Variants in CD226 observed in about 807,000 individuals in gnomAD.
CD226 encodes the protein CD226 antigen.
In CD226, 24 loss-of-function variants were observed where a neutral mutation model predicts 34.9. The ratio of observed to expected loss-of-function variants is 0.69; its 90% CI spans 0.50 to 0.97. The LOEUF is 0.97. Ranked by LOEUF, CD226 falls within the 50% of genes least tolerant of loss-of-function variation. The pLI is 0.00. For missense variants in CD226, 397 were observed against 412.7 expected (o/e 0.96, Z 0.33); for synonymous variants, 148 against 147.4 (o/e 1.00, Z -0.03).
At chr18:69,904,457 G>A (rs2017399150) in intron 2 of CD226, among the ~76,000 whole-genome samples, 1 of 152,218 alleles carries the variant, frequency 6.6e-6, no homozygotes, top group Non-Finnish European at 1.5e-5. Flanking sequence ...CTGCCTCCAG[G>A]GGCAGCTCCG....
chr18:69,920,305 C>T lies in CD226; in HGVS notation c.383-24260G>A, dbSNP rs1006296102. Among the ~76,000 whole-genome samples, 7 of 152,308 alleles carry T rather than the reference C, an allele frequency of 4.6e-5. No individual in the cohort carries two copies. The East Asian group carries it at 9.6e-4, about 21-fold the overall frequency. ...ACTTCCATTTGCTTTGATAAAAAGA[C>T]TAGAGGTCTCTTTGTTCTTCACATT... On this transcript the variant is annotated intron_variant, in intron 2 of 5. Coordinates refer to ENST00000582621, the MANE Select transcript of CD226 (RefSeq NM_001303618.2).
At chr18:69,903,041 AT>A (rs779019181) in intron 2 of CD226, among the ~76,000 whole-genome samples, 5 of 152,340 alleles carry the variant, frequency 3.3e-5, no homozygotes, top group Admixed American at 2.0e-4. Context: ...AGCAAAAGAA[AT>A]AGAAAGGCAA....
intron 2 of CD226, among the ~76,000 whole-genome samples, chr18:69,904,647 T>G (rs1007214472): frequency 2.0e-5 from 3 of 152,242 alleles, no homozygotes; most frequent in Non-Finnish European, 4.4e-5. Context: ...CATGGAAAAG[T>G]CAAACTTTTG....
chr18:69,896,479 T>C (rs4891785), intron 2 of CD226, among the ~76,000 whole-genome samples: 7,232 of 152,284 alleles, frequency 0.047, 180 homozygotes, highest in South Asian at 0.06. Flanking sequence ...CCGCACCCAG[T>C]TGTGAATGAC....
intron 1 of CD226, among the ~76,000 whole-genome samples, chr18:69,954,104 T>C (rs1006171360): frequency 6.6e-6 from 1 of 152,172 alleles, no homozygotes; most frequent in Admixed American, 6.5e-5. Context: ...GTGAATAGTA[T>C]GAGTCCACAT....
chr18:69,853,778 C>T lies in CD226; in HGVS notation c.*10536G>A, dbSNP rs1037791328. 4 of 152,138 alleles carry T rather than the reference C, an allele frequency of 2.6e-5. No homozygotes were observed. Among genetic ancestry groups the T allele is most frequent in the Admixed American group, 2.6e-4 (4 of 15,262 alleles). The allele number at this position is 152,138 out of a possible 1,614,324, so 9.4% of individuals were successfully genotyped here. On this transcript the variant is annotated 3_prime_UTR_variant, in exon 6 of 6. Transcript: ENST00000582621. ...TTCCTTATTACCTTTTGCCTCTGGA[C>T]TTGAATATTTGTATAAGGCCTGATG...
chr18:69,865,206 T>C (rs968274245), intron 5 of CD226, among the ~76,000 whole-genome samples: 23 of 152,102 alleles, frequency 1.5e-4, no homozygotes, highest in Non-Finnish European at 2.9e-5. Flanking sequence ...GCCAGGCTGG[T>C]CTCAAACTCC....
chr18:69,935,510 C>T (rs1427423344), intron 2 of CD226, among the ~76,000 whole-genome samples: 1 of 152,192 alleles, frequency 6.6e-6, no homozygotes, highest in African/African-American at 2.4e-5. Context: ...GGCTATAGGA[C>T]ACCAGCTCTT....
At chr18:69,891,692 A>G (rs536211567) in intron 3 of CD226, among the ~76,000 whole-genome samples, 1 of 152,356 alleles carries the variant, frequency 6.6e-6, no homozygotes, top group East Asian at 1.9e-4. Flanking sequence ...CTGTACACAA[A>G]CAGCAAACTA....
upstream of CD226, chr18:69,957,095 A>T (rs905533648): frequency 6.6e-6 from 1 of 152,242 alleles, no homozygotes; most frequent in African/African-American, 2.4e-5. Flanking sequence ...ACTCAGACTC[A>T]TTCCAAACTC....
rs1982980745 is a variant in CD226, at chr18:69,864,101, G to A, written c.*213C>T. ...ATCATTCTGTTATATGATACAGTAAGTTTTCTTTTGTATATAAACCAGTTA... is the reference window on the plus strand; with the variant it reads ...ATCATTCTGTTATATGATACAGTAAATTTTCTTTTGTATATAAACCAGTTA... On this transcript the variant is annotated 3_prime_UTR_variant, in exon 6 of 6. Coordinates refer to ENST00000582621, the MANE Select transcript of CD226 (RefSeq NM_001303618.2). The A allele has an allele frequency of 1.4e-5, 7 of 514,642 alleles. No individual in the cohort carries two copies. The highest frequency in any genetic ancestry group is 2.4e-5 in the Non-Finnish European group (7 of 289,378). The allele number at this position is 514,642 out of a possible 1,614,324, so 31.9% of individuals were successfully genotyped here. A position where few individuals can be genotyped will look rare whatever the true frequency, so the allele number is the denominator to read the frequency against.
intron 2 of CD226, among the ~76,000 whole-genome samples, chr18:69,915,832 G>A (rs1260751319): frequency 6.6e-6 from 1 of 151,718 alleles, no homozygotes; most frequent in East Asian, 1.9e-4. Context: ...TACTGTCTTG[G>A]AATTACATTT....
At chr18:69,952,398 A>G (rs950404198), upstream of CD226, among the ~76,000 whole-genome samples, 2 of 152,232 alleles carry the variant, frequency 1.3e-5, no homozygotes, top group Admixed American at 1.3e-4. Context: ...CCCTTGTACA[A>G]AACTGCCCTT....
intron 4 of CD226, among the ~76,000 whole-genome samples, chr18:69,871,979 T>C (rs1276834283): frequency 6.6e-6 from 1 of 151,354 alleles, no homozygotes; most frequent in East Asian, 1.9e-4. Context: ...CAGGGAGCAG[T>C]GATGACAGCT....
intron 2 of CD226, among the ~76,000 whole-genome samples, chr18:69,913,804 C>G (rs1354650352): frequency 6.6e-6 from 1 of 152,124 alleles, no homozygotes; most frequent in Non-Finnish European, 1.5e-5. Flanking sequence ...TATTATGGAG[C>G]AAGGGACCAG....
chr18:69,948,694 T>A (rs2055820815), upstream of CD226, among the ~76,000 whole-genome samples: 1 of 152,220 alleles, frequency 6.6e-6, no homozygotes, highest in Non-Finnish European at 1.5e-5. Flanking sequence ...TATTTGTGCC[T>A]CTAGTTGTTT....
At chr18:69,893,830 T>C (rs1224321712) in intron 3 of CD226, among the ~76,000 whole-genome samples, 2 of 152,222 alleles carry the variant, frequency 1.3e-5, no homozygotes, top group African/African-American at 2.4e-5. Flanking sequence ...AAGGTGATTG[T>C]GTATGAAAAG....
upstream of CD226, among the ~76,000 whole-genome samples, chr18:69,958,925 TA>T (rs781072372): frequency 2.6e-5 from 4 of 152,152 alleles, no homozygotes; most frequent in Non-Finnish European, 5.9e-5. Flanking sequence ...ACAATGGAGA[TA>T]CCTTTTGTTG....
At chr18:69,911,022 G>A (rs750183051) in intron 2 of CD226, among the ~76,000 whole-genome samples, 21 of 152,194 alleles carry the variant, frequency 1.4e-4, no homozygotes, top group South Asian at 2.1e-4. Context: ...GGGTGGAACC[G>A]AGGCCATAAA....
Sources: allele counts gnomAD v4.1 joint callset (sites outside exome capture counted in the v4.1 genomes callset), GRCh38; gene constraint gnomAD v4.1.1; transcripts MANE v1.5; gene names NCBI Gene and HGNC (gene_info 2026-07-23, HGNC 2026-07-21).